The following TTC34 variants were observed in gnomAD, a reference collection of about 807,000 sequenced individuals.
The protein encoded by TTC34 is tetratricopeptide repeat domain 34.
A neutral mutation model predicts 40.7 loss-of-function variants in TTC34; 44 were observed. That is an observed-to-expected ratio of 1.08 (90% CI 0.85 to 1.39). The LOEUF is 1.39. Ranked by LOEUF, TTC34 falls within the 40% of genes most tolerant of loss-of-function variation. The pLI is 0.00. For missense variants in TTC34, 884 were observed against 838.0 expected, an observed-to-expected ratio of 1.05 and a Z score of -0.68; for synonymous variants, 422 against 398.6, an observed-to-expected ratio of 1.06 and a Z score of -0.70.
chr1:2,777,158 A>C (rs9970549), intron 6 of TTC34, among the ~76,000 whole-genome samples: 3 of 77,482 alleles, frequency 3.9e-5, no homozygotes, highest in South Asian at 1.6e-3. Flanking sequence ...ACAGCCTGGA[A>C]CAGCACCCAC....
At chr1:2,683,248 A>T (rs1640157861) in intron 6 of TTC34, among the ~76,000 whole-genome samples, 2 of 149,022 alleles carry the variant, frequency 1.3e-5, no homozygotes, top group Non-Finnish European at 3.0e-5. Flanking sequence ...TGAGCATCTG[A>T]TGGTTTGCAG....
intron 6 of TTC34, among the ~76,000 whole-genome samples, chr1:2,698,999 A>T (rs374696168): frequency 3.4e-4 from 8 of 23,218 alleles, no homozygotes; most frequent in Non-Finnish European, 6.9e-4. Context: ...CAGCCTGGAA[A>T]GGCACCCACA....
At chr1:2,687,585 C>G (rs1286698240) in intron 6 of TTC34, among the ~76,000 whole-genome samples, 5 of 145,504 alleles carry the variant, frequency 3.4e-5, no homozygotes, top group Admixed American at 3.4e-4. Context: ...GACGATCTGA[C>G]AGCCTGGAAC....
intron 6 of TTC34, among the ~76,000 whole-genome samples, chr1:2,769,685 T>A (rs1641986064): frequency 7.3e-6 from 1 of 137,454 alleles, no homozygotes. Context: ...CAGGGGAGCA[T>A]CTGACAGTCT....
intron 6 of TTC34, among the ~76,000 whole-genome samples, chr1:2,777,484 T>C (rs1406371858): frequency 6.6e-6 from 1 of 151,648 alleles, no homozygotes; most frequent in South Asian, 2.1e-4. Context: ...TCCTGGAATA[T>C]GTGCTGTCCT....
At chr1:2,656,469 A>AT (rs1639352178) in intron 6 of TTC34, among the ~76,000 whole-genome samples, 1 of 47,758 alleles carries the variant, frequency 2.1e-5, no homozygotes, top group Non-Finnish European at 3.7e-5. Flanking sequence ...CCAGGTGCGC[A>AT]CGTGACAGCC....
Position 2,645,300 on chromosome 1 carries a change from C to A in TTC34, c.2490G>T (p.Met830Ile). 6.7e-7 allele frequency: 1 copy of A among 1,491,764 alleles called. No homozygotes were observed. The highest frequency in any genetic ancestry group is 8.9e-7 in the Non-Finnish European group (1 of 1,122,944). 92.4% of individuals were successfully genotyped at this position (1,491,764 alleles called of 1,614,324 possible). ...CTTGGGGCCGCCGCATACCCTGTGCCATGAGAATGTCTGCCAGGAGGAGGT... is the reference window on the plus strand; with the variant it reads ...CTTGGGGCCGCCGCATACCCTGTGCAATGAGAATGTCTGCCAGGAGGAGGT... The change falls in exon 7 of 9, where the codon ATG becomes ATT. Residue 830 changes from methionine to isoleucine, a missense_variant. Met to Ile is a conservative substitution (Grantham distance 10). Transcript: ENST00000401095. This position sits in a 1 kb window ranked among gnomAD's most constrained non-coding sequence, Gnocchi z 4.7.
chr1:2,768,929 AC>A (rs1000753363), intron 6 of TTC34, among the ~76,000 whole-genome samples: 2 of 45,678 alleles, frequency 4.4e-5, no homozygotes, highest in African/African-American at 1.8e-4. Flanking sequence ...CAGCCTGGAA[AC>A]CCCCCCACTG....
In TTC34 at chr1:2,789,488, C is replaced by G. The variant is rs1157129903; in HGVS notation, c.1628+15G>C. 6.6e-7 allele frequency: 1 copy of G among 1,506,416 alleles called. No individual in the cohort carries two copies. The highest frequency in any genetic ancestry group is 8.8e-7 in the Non-Finnish European group (1 of 1,131,342). The allele number at this position is 1,506,416 out of a possible 1,614,324, so 93.3% of individuals were successfully genotyped here. ...CAGGAAGCAGCGGCCCCAGCGTGCC[C>G]GGGCGGGTCCTCACCCCTCCTGCGT... On this transcript the variant is annotated intron_variant, in intron 3 of 8. Coordinates refer to ENST00000401095, the Ensembl canonical transcript of TTC34.
In TTC34 at chr1:2,750,313, T is replaced by G. The variant is rs1229955631; in HGVS notation, c.2226+33296A>C. 7.3e-4 allele frequency among the ~76,000 whole-genome samples: 3 copies of G among 4,118 alleles called. 1 individual carries two copies. The highest frequency in any genetic ancestry group is 7.2e-3 in the South Asian group (1 of 138). 2.7% of individuals were successfully genotyped at this position (4,118 alleles called of 152,430 possible). A position where few individuals can be genotyped will look rare whatever the true frequency, so the allele number is the denominator to read the frequency against. On this transcript the variant is annotated intron_variant, in intron 6 of 8. Coordinates refer to ENST00000401095, the Ensembl canonical transcript of TTC34. The stretch of plus-strand genomic sequence containing the variant: ...AGGTGAGCATCTGACAGACTGGAAC[T>G]GCACCCCCATGCCCAGGTGAGCCTC...
intron 6 of TTC34, among the ~76,000 whole-genome samples, chr1:2,686,154 C>T (rs1387357462): frequency 7.4e-6 from 1 of 134,830 alleles, no homozygotes; most frequent in Non-Finnish European, 1.6e-5. Context: ...TGGAGCAGCA[C>T]GCATAACCAC....
At chr1:2,685,156 CA>C in intron 6 of TTC34, among the ~76,000 whole-genome samples, 1 of 137,284 alleles carries the variant, frequency 7.3e-6, no homozygotes, top group African/African-American at 2.9e-5. Flanking sequence ...ACAGCACCCA[CA>C]ACCCCACGTG....
intron 6 of TTC34, among the ~76,000 whole-genome samples, chr1:2,759,600 G>C (rs1269750711): frequency 4.1e-3 from 228 of 56,066 alleles, no homozygotes; most frequent in Middle Eastern, 0.013. Context: ...CACCCACACC[G>C]CCAGGCGAGC....
intron 6 of TTC34, among the ~76,000 whole-genome samples, chr1:2,753,292 G>T (rs1234234495): frequency 4.3e-4 from 24 of 55,368 alleles, no homozygotes; most frequent in South Asian, 2.3e-3. Flanking sequence ...ACAGCACCCT[G>T]CACACCCAGG....
intron 6 of TTC34, among the ~76,000 whole-genome samples, chr1:2,687,792 G>GAA: frequency 1.3e-5 from 2 of 150,234 alleles, no homozygotes; most frequent in African/African-American, 5.0e-5. Context: ...TGACAGCCTG[G>GAA]GTCGGCACCC....
chr1:2,783,893 G>A (rs1643531775), intron 5 of TTC34, 118 bp from the exon 6 acceptor site: 1 of 979,910 alleles, frequency 1.0e-6, no homozygotes, highest in Non-Finnish European at 1.4e-6. Flanking sequence ...ACCTTGGGGA[G>A]CTCACAGGCC....
intron 6 of TTC34, among the ~76,000 whole-genome samples, chr1:2,756,459 AAC>A (rs1641509099): frequency 1.1e-5 from 1 of 95,134 alleles, no homozygotes; most frequent in Non-Finnish European, 2.1e-5. Flanking sequence ...CTGGAAGAGC[AAC>A]CACACCCCCA....
intron 6 of TTC34, among the ~76,000 whole-genome samples, chr1:2,773,315 A>T (rs1569851214): frequency 9.8e-6 from 1 of 101,662 alleles, no homozygotes; most frequent in African/African-American, 3.4e-5. Context: ...TGAGCATCTG[A>T]CAGCCCGGAG....
At chr1:2,692,003 C>G (rs548491863) in intron 6 of TTC34, among the ~76,000 whole-genome samples, 1 of 60,886 alleles carries the variant, frequency 1.6e-5, no homozygotes, top group African/African-American at 5.5e-5. Context: ...GAGCATCTGA[C>G]AGCATGTATC....
Sources: allele counts gnomAD v4.1 joint callset (sites outside exome capture counted in the v4.1 genomes callset), GRCh38; gene constraint gnomAD v4.1.1; non-coding constraint Gnocchi (gnomAD v3.1); transcripts MANE v1.5; gene names NCBI Gene and HGNC (gene_info 2026-07-23, HGNC 2026-07-21).